Variants in DLG2 observed in about 807,000 individuals in gnomAD.
DLG2 encodes discs large MAGUK scaffold protein 2, also known as disks large homolog 2.
Under a neutral mutation model 132.5 loss-of-function variants are expected in DLG2, and 45 were observed. That is an observed-to-expected ratio of 0.34 (90% CI 0.27 to 0.44). The LOEUF is 0.44. DLG2 is among the 20% of genes least tolerant of loss of function. The probability of loss-of-function intolerance (pLI) is 1.00; values close to 1 mark genes in which losing one functional copy is unlikely to be tolerated. For synonymous variants in DLG2, 424 were observed against 419.6 expected, an observed-to-expected ratio of 1.01 and a Z score of -0.13; for missense variants, 1,045 against 1,196.9, an observed-to-expected ratio of 0.87 and a Z score of 1.87.
chr11:85,552,803 T>G (rs2076738739), intron 3 of DLG2, among the ~76,000 whole-genome samples: 1 of 151,324 alleles, frequency 6.6e-6, no homozygotes, highest in Admixed American at 6.6e-5. Context: ...TAAGAAACAT[T>G]CATCTATCTA....
chr11:84,060,142 G>A (rs1594342562), intron 10 of DLG2, among the ~76,000 whole-genome samples: 1 of 151,836 alleles, frequency 6.6e-6, no homozygotes, highest in African/African-American at 2.4e-5. Flanking sequence ...GTGAAACCCC[G>A]TCTCTACCAA....
At chr11:83,763,908 A>G (rs2094025946) in intron 18 of DLG2, among the ~76,000 whole-genome samples, 1 of 152,118 alleles carries the variant, frequency 6.6e-6, no homozygotes, top group Non-Finnish European at 1.5e-5. Context: ...TTGATTGTCT[A>G]TTTTGCCGGA....
chr11:84,686,994 G>C (rs747727107), intron 6 of DLG2: 8 of 151,916 alleles, frequency 5.3e-5, no homozygotes, highest in Non-Finnish European at 7.3e-5. Context: ...ATGTTTTCCT[G>C]CTGTGGTTAA....
chr11:84,031,688 C>G (rs1566120188), intron 11 of DLG2, among the ~76,000 whole-genome samples: 1 of 152,196 alleles, frequency 6.6e-6, no homozygotes, highest in Non-Finnish European at 1.5e-5. Context: ...TCTCTGCTCC[C>G]TCTTTCCAGT....
chr11:84,300,941 T>C (rs1049827490), intron 7 of DLG2, among the ~76,000 whole-genome samples: 5 of 152,342 alleles, frequency 3.3e-5, no homozygotes, highest in Middle Eastern at 3.4e-3. Flanking sequence ...TCAGTCTCTC[T>C]TATTTTCCAG....
At chr11:84,796,822 TTTTA>T (rs2074682771) in intron 6 of DLG2, among the ~76,000 whole-genome samples, 1 of 150,144 alleles carries the variant, frequency 6.7e-6, no homozygotes, top group South Asian at 2.1e-4. Flanking sequence ...TTTTATGATT[TTTTA>T]TTTTTTATTA....
intron 4 of DLG2, among the ~76,000 whole-genome samples, chr11:85,247,754 C>A (rs193039721): frequency 6.6e-6 from 1 of 152,122 alleles, no homozygotes; most frequent in East Asian, 1.9e-4. Context: ...AGACTGAAGG[C>A]TTAGCTTGCT....
At chr11:84,495,903 T>C (rs1404884071) in intron 7 of DLG2, among the ~76,000 whole-genome samples, 2 of 152,146 alleles carry the variant, frequency 1.3e-5, no homozygotes, top group Admixed American at 6.5e-5. Context: ...TTGATTCCAC[T>C]GAACCACAGA....
chr11:84,185,737 G>A (rs35132759), intron 8 of DLG2, among the ~76,000 whole-genome samples: 9,847 of 152,096 alleles, frequency 0.065, 396 homozygotes, highest in African/African-American at 0.1. Context: ...TTATTTTGAG[G>A]TATGTCCCAT....
At chr11:84,894,465 A>G (rs2089908628) in intron 6 of DLG2, among the ~76,000 whole-genome samples, 1 of 152,112 alleles carries the variant, frequency 6.6e-6, no homozygotes, top group African/African-American at 2.4e-5. Context: ...GTAATTTAGT[A>G]TACATACACA....
intron 6 of DLG2, among the ~76,000 whole-genome samples, chr11:84,717,018 G>A (rs1365075714): frequency 6.6e-6 from 1 of 151,988 alleles, no homozygotes; most frequent in East Asian, 1.9e-4. Flanking sequence ...GCAACAAGAC[G>A]GACCCTGGAG....
At chr11:83,728,401 TTTC>T (rs1384759348) in intron 18 of DLG2, among the ~76,000 whole-genome samples, 1 of 152,230 alleles carries the variant, frequency 6.6e-6, no homozygotes, top group African/African-American at 2.4e-5. Flanking sequence ...CAGACAGCTC[TTTC>T]TTCTTTTTTG....
chr11:83,750,783 C>G (rs1166754863), intron 18 of DLG2, among the ~76,000 whole-genome samples: 1 of 152,012 alleles, frequency 6.6e-6, no homozygotes, highest in East Asian at 1.9e-4. Context: ...ATTATTTTTT[C>G]AATAATAATT....
chr11:85,052,592 A>G (rs1221788722), intron 6 of DLG2, among the ~76,000 whole-genome samples: 1 of 152,210 alleles, frequency 6.6e-6, no homozygotes, highest in African/African-American at 2.4e-5. Flanking sequence ...CACTGTTGTT[A>G]AAAGGATTTG....
At chr11:83,923,657 CT>C (rs1397838199) in intron 15 of DLG2, among the ~76,000 whole-genome samples, 1 of 152,124 alleles carries the variant, frequency 6.6e-6, no homozygotes, top group Non-Finnish European at 1.5e-5. Context: ...AATTCTTCCC[CT>C]GAGTCAGTCA....
chr11:85,267,755 T>G (rs1201486615), intron 4 of DLG2, among the ~76,000 whole-genome samples: 2 of 152,238 alleles, frequency 1.3e-5, no homozygotes, highest in Non-Finnish European at 2.9e-5. Context: ...ATAATTCTTT[T>G]TTCTTAAGGA....
chr11:83,732,320 C>T (rs1363025094), intron 18 of DLG2, among the ~76,000 whole-genome samples: 3 of 152,076 alleles, frequency 2.0e-5, no homozygotes, highest in Non-Finnish European at 4.4e-5. Flanking sequence ...TAACATTCTC[C>T]CCTTACTCCA....
chr11:85,071,002 G>C (rs1402920496), intron 6 of DLG2, among the ~76,000 whole-genome samples: 1 of 151,792 alleles, frequency 6.6e-6, no homozygotes, highest in Non-Finnish European at 1.5e-5. Context: ...AAGCACAACT[G>C]ATTTTTAATC....
At position 83,890,544 on chromosome 11, in the gene DLG2, A is replaced by G. The variant is rs147614823; in HGVS notation, c.1497-16056T>C. Among the ~76,000 whole-genome samples, 870 of 152,268 alleles carry G rather than the reference A, an allele frequency of 5.7e-3. 7 individuals carry two copies. Among genetic ancestry groups the G allele is most frequent in the African/African-American group, 0.02 (824 of 41,542 alleles). ...GGAAGGAGCATGGGCTTGGGAACCA[A>G]TGGACTTGGGTTAAGAATTTCTCAC... On this transcript the variant is annotated intron_variant, in intron 15 of 27. Coordinates refer to ENST00000376104, the MANE Select transcript of DLG2 (RefSeq NM_001142699.3).
Sources: gnomAD v4.1 joint callset for allele counts (sites outside exome capture counted in the v4.1 genomes callset) on GRCh38, gnomAD v4.1.1 for gene constraint, MANE v1.5 for transcripts, NCBI Gene and HGNC (gene_info 2026-07-23, HGNC 2026-07-21) for gene names.